PURA: variants seen among roughly 807,000 people sequenced by gnomAD.
PURA encodes purine rich element binding protein A.
In PURA, 2 loss-of-function variants were observed where a neutral mutation model predicts 23.1. The observed-to-expected ratio is 0.09, with a 90% CI of 0.04 to 0.27. The LOEUF is 0.27. PURA is among the 10% of genes least tolerant of loss of function. PURA has a pLI of 1.00. For missense variants in PURA, 187 were observed against 449.7 expected (o/e 0.42, Z 5.28); for synonymous variants, 254 against 205.9 (o/e 1.23, Z -2.00).
chr5:140,116,552 A>G lies in PURA; in HGVS notation c.*1402A>G, dbSNP rs1763082022. ...ATATATTCAAGGTGTAGGGTATGAA[A>G]ATGCAAAGTTTAGGAGAGCACTTTA... is the stretch of plus-strand genomic sequence containing the variant. On this transcript the variant is annotated 3_prime_UTR_variant, in exon 1 of 1. Transcript: ENST00000331327. 6.0e-6 allele frequency: 1 copy of G among 166,906 alleles called. No homozygotes were observed. Among genetic ancestry groups the G allele is most frequent in the African/African-American group, 2.4e-5 (1 of 41,392 alleles). 10.3% of individuals were successfully genotyped at this position (166,906 alleles called of 1,614,324 possible). A position where few individuals can be genotyped will look rare whatever the true frequency, so the allele number is the denominator to read the frequency against.
At position 140,119,925 on chromosome 5, in the gene PURA, C is replaced by CTAGT. The variant is rs1763131630; in HGVS notation, c.*4776_*4779dup. The CTAGT allele has an allele frequency of 1.2e-5, 2 of 166,444 alleles. No homozygotes were observed. Among genetic ancestry groups the CTAGT allele is most frequent in the Admixed American group, 6.6e-5 (1 of 15,258 alleles). The allele number at this position is 166,444 out of a possible 1,614,324, so 10.3% of individuals were successfully genotyped here. The stretch of plus-strand genomic sequence containing the variant: ...AATGGGGCTATCTGAAATTGATGGT[C>CTAGT]TAGTAGCTTTCATAGCTCCACAATT... On this transcript the variant is annotated 3_prime_UTR_variant, in exon 1 of 1. Coordinates refer to ENST00000331327, the MANE Select transcript of PURA (RefSeq NM_005859.5).
rs531986543 is a variant in PURA at position 140,119,428 on chromosome 5, C to T, written c.*4278C>T. On this transcript the variant is annotated 3_prime_UTR_variant, in exon 1 of 1. Coordinates refer to ENST00000331327, the MANE Select transcript of PURA (RefSeq NM_005859.5). ...TCAATGGATCTATATCAGTTGTACTCACTGTTTTCATTTCTTATTAATATA... is the reference window on the plus strand; with the variant it reads ...TCAATGGATCTATATCAGTTGTACTTACTGTTTTCATTTCTTATTAATATA... 2.3e-4 allele frequency: 39 copies of T among 166,874 alleles called. No homozygotes were observed. The highest frequency in any genetic ancestry group is 4.9e-4 in the Non-Finnish European group (33 of 67,930). 10.3% of individuals were successfully genotyped at this position (166,874 alleles called of 1,614,324 possible). A position where few individuals can be genotyped will look rare whatever the true frequency, so the allele number is the denominator to read the frequency against.
Position 140,116,411 on chromosome 5 carries a change from A to G in PURA, c.*1261A>G, listed in dbSNP as rs913898485. 4 of 167,138 alleles carry G rather than the reference A, an allele frequency of 2.4e-5. No individual in the cohort carries two copies. The highest frequency in any genetic ancestry group is 4.8e-5 in the African/African-American group (2 of 41,460). 10.4% of individuals were successfully genotyped at this position (167,138 alleles called of 1,614,324 possible). On this transcript the variant is annotated 3_prime_UTR_variant, in exon 1 of 1. Coordinates refer to ENST00000331327, the MANE Select transcript of PURA (RefSeq NM_005859.5). ...TTAAAAGTGAAAGCCAAGTTGGTGT[A>G]TGTAAAGGATTTCCATGTAGCTGTG...
In PURA at chr5:140,114,274, C is replaced by T; in HGVS notation, c.93C>T (p.Gly31=). The T allele has an allele frequency of 2.5e-6, 3 of 1,201,340 alleles. No individual in the cohort carries two copies. Among genetic ancestry groups the T allele is most frequent in the Non-Finnish European group, 3.1e-6 (3 of 980,302 alleles). 74.4% of individuals were successfully genotyped at this position (1,201,340 alleles called of 1,614,324 possible). A position where few individuals can be genotyped will look rare whatever the true frequency, so the allele number is the denominator to read the frequency against. The change falls in exon 1 of 1, where the codon GGC becomes GGT. Residue 31 remains glycine, a synonymous_variant. Coordinates refer to ENST00000331327, the MANE Select transcript of PURA (RefSeq NM_005859.5). ...ACCCCGGCTCGGGCTCAGGCTCCGG[C>T]GGGGGCGGTGGTGGCGGCGGGGGCG... ...LGHPGSGSGS[G]GGGGGGGGGG... is the part of the protein sequence containing the mutation.
rs1486715913 is a variant in PURA at position 140,122,726 on chromosome 5, T to C, written c.*7576T>C. 2.4e-5 allele frequency: 4 copies of C among 166,816 alleles called. No homozygotes were observed. Among genetic ancestry groups the C allele is most frequent in the African/African-American group, 9.7e-5 (4 of 41,446 alleles). The allele number at this position is 166,816 out of a possible 1,614,324, so 10.3% of individuals were successfully genotyped here. ...ATTTTGGAGGTTCTTATATCCTTTG[T>C]AGGGTAAGCTGATAGTGTTTAGATT... On this transcript the variant is annotated 3_prime_UTR_variant, in exon 1 of 1. Coordinates refer to ENST00000331327, the MANE Select transcript of PURA (RefSeq NM_005859.5).
rs963252343 is a variant in PURA at position 140,122,596 on chromosome 5, A to AC, written c.*7452dup. On this transcript the variant is annotated 3_prime_UTR_variant, in exon 1 of 1. Transcript: ENST00000331327. ...CTGTATTTCTAAAATTAGACAACAT[A>AC]CCCCCCAAACTCATGTTTCTGTTTC... The AC allele has an allele frequency of 6.0e-6, 1 of 166,616 alleles. No homozygotes were observed. The highest frequency in any genetic ancestry group is 6.6e-5 in the Admixed American group (1 of 15,206). The allele number at this position is 166,616 out of a possible 1,614,324, so 10.3% of individuals were successfully genotyped here.
rs762948641 is a variant in PURA, at chr5:140,120,111, A to G, written c.*4961A>G. The G allele has an allele frequency of 1.2e-5, 2 of 166,862 alleles. No individual in the cohort carries two copies. The highest frequency in any genetic ancestry group is 2.9e-5 in the Non-Finnish European group (2 of 67,944). 10.3% of individuals were successfully genotyped at this position (166,862 alleles called of 1,614,324 possible). On this transcript the variant is annotated 3_prime_UTR_variant, in exon 1 of 1. Transcript: ENST00000331327. ...TGCTAAAACAAGGGCATCTGTAGCAACTTAGGTTTGGAATAGTTGGTGATG... is the reference window on the plus strand; with the variant it reads ...TGCTAAAACAAGGGCATCTGTAGCAGCTTAGGTTTGGAATAGTTGGTGATG...
rs769972776 is a variant in PURA, at chr5:140,114,322, C to T, written c.141C>T (p.Gly47=). 7.1e-5 allele frequency: 95 copies of T among 1,339,714 alleles called. No individual in the cohort carries two copies. The East Asian group carries it at 2.2e-3, about 31-fold the overall frequency. The allele number at this position is 1,339,714 out of a possible 1,614,324, so 83.0% of individuals were successfully genotyped here. A position where few individuals can be genotyped will look rare whatever the true frequency, so the allele number is the denominator to read the frequency against. ...GCGGCGGCGGCAGTGGCGGCGGCGG[C>T]GGCGGGGCCCCAGGGGGGCTGCAGC... The part of the protein sequence containing the change: ...GGGGGGSGGG[G]GGAPGGLQHE... Residue 47 remains glycine, a synonymous_variant, in exon 1 of 1, where the codon GGC becomes GGT. Coordinates refer to ENST00000331327, the MANE Select transcript of PURA (RefSeq NM_005859.5).
Position 140,114,787 on chromosome 5 carries a change from G to A in PURA, c.606G>A (p.Leu202=). The change falls in exon 1 of 1, where the codon CTG becomes CTA. Residue 202 remains leucine, a synonymous_variant. Coordinates refer to ENST00000331327, the MANE Select transcript of PURA (RefSeq NM_005859.5). ...GGCTCATCGAGTTCCGTGACGCTCT[G>A]GCCAAGCTCATCGACGACTACGGAG... The part of the protein sequence containing the change: ...AQGLIEFRDA[L]AKLIDDYGVE... 6.2e-7 allele frequency: 1 copy of A among 1,613,756 alleles called. No individual in the cohort carries two copies. Among genetic ancestry groups the A allele is most frequent in the Non-Finnish European group, 8.5e-7 (1 of 1,179,808 alleles).
rs1294637216 is a variant in PURA, at chr5:140,120,036, T to C, written c.*4886T>C. The C allele has an allele frequency of 6.0e-6, 1 of 166,852 alleles. No homozygotes were observed. The highest frequency in any genetic ancestry group is 2.4e-5 in the African/African-American group (1 of 41,442). The allele number at this position is 166,852 out of a possible 1,614,324, so 10.3% of individuals were successfully genotyped here. A position where few individuals can be genotyped will look rare whatever the true frequency, so the allele number is the denominator to read the frequency against. On this transcript the variant is annotated 3_prime_UTR_variant, in exon 1 of 1. Coordinates refer to ENST00000331327, the MANE Select transcript of PURA (RefSeq NM_005859.5). The stretch of plus-strand genomic sequence containing the variant: ...CAAGTCTAATGACTTTTTTCCCTTT[T>C]TAAAATCTTTTGAGTATCAGAATGA...
Position 140,119,749 on chromosome 5 carries a change from T to A in PURA, c.*4599T>A, listed in dbSNP as rs902980387. 1 of 166,890 alleles carries A rather than the reference T, an allele frequency of 6.0e-6. No homozygotes were observed. The highest frequency in any genetic ancestry group is 6.6e-5 in the Admixed American group (1 of 15,258). The allele number at this position is 166,890 out of a possible 1,614,324, so 10.3% of individuals were successfully genotyped here. ...AAACTTTCTAAACACATTTTTCTTT[T>A]ATGACATTTTGGGTTATCTGCTAGA... On this transcript the variant is annotated 3_prime_UTR_variant, in exon 1 of 1. Coordinates refer to ENST00000331327, the MANE Select transcript of PURA (RefSeq NM_005859.5).
At position 140,123,448 on chromosome 5, in the gene PURA, G is replaced by A. The variant is rs533531635; in HGVS notation, c.*8298G>A. 95 of 167,006 alleles carry A rather than the reference G, an allele frequency of 5.7e-4. No homozygotes were observed. The highest frequency in any genetic ancestry group is 2.2e-3 in the African/African-American group (91 of 41,550). The allele number at this position is 167,006 out of a possible 1,614,324, so 10.3% of individuals were successfully genotyped here. Reference sequence around the variant, plus strand: ...TATCTTTGCACTTGATTTTTTGAAAGTTAAGGCTAGTCACTTTCACTTTTG... The same window carrying A: ...TATCTTTGCACTTGATTTTTTGAAAATTAAGGCTAGTCACTTTCACTTTTG... On this transcript the variant is annotated 3_prime_UTR_variant, in exon 1 of 1. Transcript: ENST00000331327.
At position 140,124,046 on chromosome 5, in the gene PURA, G is replaced by A. The variant is rs1763179509; in HGVS notation, c.*8896G>A. The A allele has an allele frequency of 6.0e-6, 1 of 166,922 alleles. No homozygotes were observed. Among genetic ancestry groups the A allele is most frequent in the Non-Finnish European group, 1.5e-5 (1 of 68,042 alleles). 10.3% of individuals were successfully genotyped at this position (166,922 alleles called of 1,614,324 possible). A position where few individuals can be genotyped will look rare whatever the true frequency, so the allele number is the denominator to read the frequency against. ...GCAAGAGACTTTATTTTAACCAGAT[G>A]CGGTCTTATGACCTCAAAGATGTGC... On this transcript the variant is annotated 3_prime_UTR_variant, in exon 1 of 1. Coordinates refer to ENST00000331327, the MANE Select transcript of PURA (RefSeq NM_005859.5).
rs1382107854 is a variant in PURA at position 140,123,631 on chromosome 5, G to A, written c.*8481G>A. 1 of 166,268 alleles carries A rather than the reference G, an allele frequency of 6.0e-6. No individual in the cohort carries two copies. The highest frequency in any genetic ancestry group is 1.5e-5 in the Non-Finnish European group (1 of 68,028). The allele number at this position is 166,268 out of a possible 1,614,324, so 10.3% of individuals were successfully genotyped here. Reference sequence around the variant, plus strand: ...TTGTTCTGATAAAATTTTTAATATGGGCCTTTATTTGCCAATAAAATCCTT... The same window carrying A: ...TTGTTCTGATAAAATTTTTAATATGAGCCTTTATTTGCCAATAAAATCCTT... On this transcript the variant is annotated 3_prime_UTR_variant, in exon 1 of 1. Coordinates refer to ENST00000331327, the MANE Select transcript of PURA (RefSeq NM_005859.5).
chr5:140,121,831 T>TA lies in PURA; in HGVS notation c.*6682dup, dbSNP rs1162650434. ...AGGTAAGTTACTGGGAACTGAGACTTACTGGTTTGGAAATTGGAGAGTAGG... is the reference window on the plus strand; with the variant it reads ...AGGTAAGTTACTGGGAACTGAGACTTAACTGGTTTGGAAATTGGAGAGTAGG... On this transcript the variant is annotated 3_prime_UTR_variant, in exon 1 of 1. Transcript: ENST00000331327. The TA allele has an allele frequency of 6.0e-6, 1 of 166,848 alleles. No individual in the cohort carries two copies. Among genetic ancestry groups the TA allele is most frequent in the Non-Finnish European group, 1.5e-5 (1 of 68,002 alleles). The allele number at this position is 166,848 out of a possible 1,614,324, so 10.3% of individuals were successfully genotyped here. A position where few individuals can be genotyped will look rare whatever the true frequency, so the allele number is the denominator to read the frequency against.
In PURA at chr5:140,115,234, AAGAG is replaced by A. The variant is rs899276346; in HGVS notation, c.*88_*91del. Reference sequence around the variant, plus strand: ...ACACACAGAAAATATACTGTAAAGAAAGAGAGAAAATAAAAAGTTAAAAAGTTAA... The same window carrying A: ...ACACACAGAAAATATACTGTAAAGAAAGAAAATAAAAAGTTAAAAAGTTAA... On this transcript the variant is annotated 3_prime_UTR_variant, in exon 1 of 1. Coordinates refer to ENST00000331327, the MANE Select transcript of PURA (RefSeq NM_005859.5). The surrounding 1 kb of genome is among the most constrained non-coding windows in gnomAD (Gnocchi z 4.1). 3.3e-5 allele frequency: 29 copies of A among 886,938 alleles called. No homozygotes were observed. The highest frequency in any genetic ancestry group is 3.8e-5 in the Admixed American group (1 of 26,034). The allele number at this position is 886,938 out of a possible 1,614,324, so 54.9% of individuals were successfully genotyped here.
rs1561793573 is a variant in PURA at position 140,115,228 on chromosome 5, TAAAG to T, written c.*84_*87del. On this transcript the variant is annotated 3_prime_UTR_variant, in exon 1 of 1. Transcript: ENST00000331327. This position sits in a 1 kb window ranked among gnomAD's most constrained non-coding sequence, Gnocchi z 4.1. ...AGCCACACACACAGAAAATATACTG[TAAAG>T]AAAGAGAGAAAATAAAAAGTTAAAA... 5 of 830,226 alleles carry T rather than the reference TAAAG, an allele frequency of 6.0e-6. No individual in the cohort carries two copies. The South Asian group carries it at 1.2e-4, about 20-fold the overall frequency. The allele number at this position is 830,226 out of a possible 1,614,324, so 51.4% of individuals were successfully genotyped here. A position where few individuals can be genotyped will look rare whatever the true frequency, so the allele number is the denominator to read the frequency against.
rs1028359428 is a variant in PURA, at chr5:140,120,079, A to G, written c.*4929A>G. On this transcript the variant is annotated 3_prime_UTR_variant, in exon 1 of 1. Transcript: ENST00000331327. ...CAGAATGAGACCTTGCTATCTATGT[A>G]AAAGGATGCTAAAACAAGGGCATCT... 4 of 166,852 alleles carry G rather than the reference A, an allele frequency of 2.4e-5. No homozygotes were observed. The highest frequency in any genetic ancestry group is 1.5e-5 in the Non-Finnish European group (1 of 67,942). 10.3% of individuals were successfully genotyped at this position (166,852 alleles called of 1,614,324 possible). A position where few individuals can be genotyped will look rare whatever the true frequency, so the allele number is the denominator to read the frequency against.
rs920771098 is a variant in PURA at position 140,115,609 on chromosome 5, C to T, written c.*459C>T. 6.0e-6 allele frequency: 1 copy of T among 167,132 alleles called. No homozygotes were observed. The highest frequency in any genetic ancestry group is 1.5e-5 in the Non-Finnish European group (1 of 68,166). 10.4% of individuals were successfully genotyped at this position (167,132 alleles called of 1,614,324 possible). A position where few individuals can be genotyped will look rare whatever the true frequency, so the allele number is the denominator to read the frequency against. ...AAAAGTCCTTTTCATGTTGAGCTAA[C>T]ATTTGACTTTAGCACAAAAAAGAGA... On this transcript the variant is annotated 3_prime_UTR_variant, in exon 1 of 1. Coordinates refer to ENST00000331327, the MANE Select transcript of PURA (RefSeq NM_005859.5). This position sits in a 1 kb window ranked among gnomAD's most constrained non-coding sequence, Gnocchi z 4.1.
Sources: allele counts gnomAD v4.1 joint callset, GRCh38; gene constraint gnomAD v4.1.1; non-coding constraint Gnocchi (gnomAD v3.1); transcripts MANE v1.5; gene names NCBI Gene and HGNC (gene_info 2026-07-23, HGNC 2026-07-21).